PDE1A: variants seen among roughly 807,000 people sequenced by gnomAD.
The protein encoded by PDE1A is dual specificity calcium/calmodulin-dependent 3',5'-cyclic nucleotide phosphodiesterase 1A.
Under a neutral mutation model 61.7 loss-of-function variants are expected in PDE1A, and 35 were observed. The observed-to-expected ratio is 0.57, with a 90% CI of 0.43 to 0.75. PDE1A has a LOEUF of 0.75. Ranked by LOEUF, PDE1A falls within the 30% of genes least tolerant of loss-of-function variation. The pLI is 0.00. For missense variants in PDE1A, 597 were observed against 630.6 expected (o/e 0.95, Z 0.57); for synonymous variants, 232 against 213.2 (o/e 1.09, Z -0.77).
intron 2 of PDE1A, among the ~76,000 whole-genome samples, chr2:182,486,474 G>C (rs1285008707): frequency 2.0e-5 from 3 of 151,922 alleles, no homozygotes; most frequent in African/African-American, 7.2e-5. Context: ...GAATTATAAA[G>C]GATCTAGAAT....
chr2:182,534,806 T>G, the PDE1A span, among the ~76,000 whole-genome samples: 1 of 151,986 alleles, frequency 6.6e-6, no homozygotes, highest in African/African-American at 2.4e-5. Context: ...ATTTGTTGAA[T>G]TCGTCTCTTT....
the PDE1A span, among the ~76,000 whole-genome samples, chr2:182,703,979 T>A: frequency 6.6e-6 from 1 of 151,738 alleles, no homozygotes; most frequent in Admixed American, 6.6e-5. Flanking sequence ...GGCGGGAGGA[T>A]TACCTTAGGT....
intron 13 of PDE1A, among the ~76,000 whole-genome samples, chr2:182,154,840 A>G (rs1690980006): frequency 6.6e-6 from 1 of 152,158 alleles, no homozygotes; most frequent in Non-Finnish European, 1.5e-5. Context: ...ACCATTTCTC[A>G]ATTTACAAGT....
At chr2:182,442,605 T>C (rs778387052) in intron 2 of PDE1A, among the ~76,000 whole-genome samples, 6 of 152,092 alleles carry the variant, frequency 3.9e-5, no homozygotes, top group Non-Finnish European at 1.5e-5. Context: ...AATATTTATA[T>C]GCATGTTTAA....
chr2:182,317,771 A>G (rs1454184713), intron 1 of PDE1A, among the ~76,000 whole-genome samples: 2 of 152,120 alleles, frequency 1.3e-5, no homozygotes, highest in Non-Finnish European at 2.9e-5. Flanking sequence ...ATTCTTGAGT[A>G]TGCTTAAATT....
chr2:182,696,699 AG>A, the PDE1A span, among the ~76,000 whole-genome samples: 1 of 152,028 alleles, frequency 6.6e-6, no homozygotes, highest in African/African-American at 2.4e-5. Context: ...ACAATGGGGG[AG>A]GATGTGCATG....
upstream of PDE1A, among the ~76,000 whole-genome samples, chr2:182,428,272 AATTCTAT>A (rs1448117235): frequency 6.6e-6 from 1 of 152,116 alleles, no homozygotes; most frequent in Non-Finnish European, 1.5e-5. Flanking sequence ...ATATTAATTG[AATTCTAT>A]ATTTCTTTCC....
At chr2:182,159,153 A>G (rs115701349) in intron 13 of PDE1A, among the ~76,000 whole-genome samples, 259 of 152,366 alleles carry the variant, frequency 1.7e-3, no homozygotes, top group Non-Finnish European at 3.4e-3. Flanking sequence ...AACCAAGTTT[A>G]CTGGATAAGC....
the PDE1A span, among the ~76,000 whole-genome samples, chr2:182,574,980 G>A: frequency 1.3e-5 from 2 of 152,142 alleles, no homozygotes; most frequent in East Asian, 1.9e-4. Flanking sequence ...ATGAGCCACC[G>A]TGCCTGGCCT....
At chr2:182,624,402 C>T in the PDE1A span, among the ~76,000 whole-genome samples, 1 of 152,132 alleles carries the variant, frequency 6.6e-6, no homozygotes, top group Non-Finnish European at 1.5e-5. Context: ...GCTCACATAC[C>T]AGTGGATTCA....
intron 2 of PDE1A, among the ~76,000 whole-genome samples, chr2:182,243,559 T>C (rs1430881895): frequency 6.6e-6 from 1 of 152,174 alleles, no homozygotes; most frequent in Non-Finnish European, 1.5e-5. Flanking sequence ...TAGGTATAAG[T>C]AAGCTAATAT....
chr2:182,576,665 C>A, the PDE1A span, among the ~76,000 whole-genome samples: 1 of 152,034 alleles, frequency 6.6e-6, no homozygotes, highest in African/African-American at 2.4e-5. Flanking sequence ...GTGGCTACAC[C>A]ATTTTATATC....
chr2:182,698,063 G>C, the PDE1A span, among the ~76,000 whole-genome samples: 3 of 152,144 alleles, frequency 2.0e-5, no homozygotes, highest in African/African-American at 7.2e-5. Context: ...CTCCTCTCAG[G>C]CATCAGAAGA....
chr2:182,261,160 A>G (rs1335840869), intron 2 of PDE1A, among the ~76,000 whole-genome samples: 1 of 152,178 alleles, frequency 6.6e-6, no homozygotes, highest in Non-Finnish European at 1.5e-5. Context: ...AATCTTTCAG[A>G]GGTCACTAAA....
At chr2:182,593,339 T>G in the PDE1A span, among the ~76,000 whole-genome samples, 1 of 152,210 alleles carries the variant, frequency 6.6e-6, no homozygotes, top group African/African-American at 2.4e-5. Context: ...TAGTTTCCTT[T>G]CATTACTAAA....
intron 1 of PDE1A, among the ~76,000 whole-genome samples, chr2:182,415,191 T>C (rs532476503): frequency 2.0e-4 from 31 of 152,102 alleles, no homozygotes; most frequent in Non-Finnish European, 3.4e-4. Context: ...AAAATAGCCT[T>C]CTGAGGGCTT....
chr2:182,272,741 T>C (rs563282010), intron 1 of PDE1A, among the ~76,000 whole-genome samples: 8 of 152,218 alleles, frequency 5.3e-5, no homozygotes, highest in East Asian at 1.9e-4. Context: ...ATGGAACTGA[T>C]AGAATGTTTG....
At chr2:182,248,252 CAAAAA>C (rs1197993496) in intron 2 of PDE1A, among the ~76,000 whole-genome samples, 4 of 78,062 alleles carry the variant, frequency 5.1e-5, no homozygotes, top group African/African-American at 1.9e-4. Flanking sequence ...GCAAGACTGT[CAAAAA>C]AAAAAAAAAA....
intron 6 of PDE1A, among the ~76,000 whole-genome samples, chr2:182,228,037 G>A (rs1689278199): frequency 6.6e-6 from 1 of 152,088 alleles, no homozygotes; most frequent in African/African-American, 2.4e-5. Flanking sequence ...TCTGGCCAAG[G>A]CCCTTGTATA....
Sources: allele counts gnomAD v4.1 joint callset (sites outside exome capture counted in the v4.1 genomes callset), GRCh38; gene constraint gnomAD v4.1.1; transcripts MANE v1.5; gene names NCBI Gene and HGNC (gene_info 2026-07-23, HGNC 2026-07-21).